Variants in NKAIN3 observed in about 807,000 individuals in gnomAD.
The protein encoded by NKAIN3 is sodium/potassium transporting ATPase interacting 3.
A neutral mutation model predicts 30.2 loss-of-function variants in NKAIN3; 25 were observed. That is an observed-to-expected ratio of 0.83 (90% CI 0.60 to 1.16). The LOEUF (loss-of-function observed/expected upper bound fraction) is 1.16. Among genes scored for constraint, NKAIN3 ranks in the 50% most tolerant of loss-of-function variants. The pLI is 0.00. For missense variants in NKAIN3, 225 were observed against 254.1 expected, an observed-to-expected ratio of 0.89 and a Z score of 0.78; for synonymous variants, 91 against 89.6, an observed-to-expected ratio of 1.02 and a Z score of -0.09.
At chr8:62,522,752 A>C (rs1214603494) in intron 1 of NKAIN3, among the ~76,000 whole-genome samples, 1 of 151,810 alleles carries the variant, frequency 6.6e-6, no homozygotes, top group African/African-American at 2.4e-5. Flanking sequence ...GAAATATAAT[A>C]TTTCATATTA....
At chr8:62,993,851 G>A (rs1804038735) in intron 5 of NKAIN3, among the ~76,000 whole-genome samples, 1 of 152,170 alleles carries the variant, frequency 6.6e-6, no homozygotes, top group Non-Finnish European at 1.5e-5. Flanking sequence ...TTTTCTCATT[G>A]AGATAATTTC....
intron 1 of NKAIN3, among the ~76,000 whole-genome samples, chr8:62,303,592 T>C (rs143498084): frequency 1.3e-5 from 2 of 150,746 alleles, no homozygotes; most frequent in Non-Finnish European, 2.9e-5. Flanking sequence ...AAGAATAGCA[T>C]TGACAGACAA....
At chr8:62,649,903 C>A (rs192594772) in intron 3 of NKAIN3, among the ~76,000 whole-genome samples, 243 of 152,238 alleles carry the variant, frequency 1.6e-3, no homozygotes, top group Non-Finnish European at 7.9e-4. Context: ...ACTGCAAAGT[C>A]CCCGTGATAA....
At chr8:62,889,523 G>A (rs544807965) in intron 4 of NKAIN3, among the ~76,000 whole-genome samples, 1 of 152,156 alleles carries the variant, frequency 6.6e-6, no homozygotes, top group Non-Finnish European at 1.5e-5. Context: ...CAAGGAGGGA[G>A]CCATCACTTC....
chr8:62,870,693 A>ATC (rs1820608457), intron 4 of NKAIN3, among the ~76,000 whole-genome samples: 1 of 89,240 alleles, frequency 1.1e-5, no homozygotes, highest in Non-Finnish European at 2.3e-5. Flanking sequence ...ATATCTCTCT[A>ATC]TCTATATATC....
At chr8:62,323,885 A>G (rs1013272098) in intron 1 of NKAIN3, among the ~76,000 whole-genome samples, 2 of 152,220 alleles carry the variant, frequency 1.3e-5, no homozygotes, top group Non-Finnish European at 1.5e-5. Flanking sequence ...TTCCAAATAT[A>G]TGACATTCTG....
chr8:62,349,757 G>A (rs1290826280), intron 1 of NKAIN3, among the ~76,000 whole-genome samples: 1 of 152,114 alleles, frequency 6.6e-6, no homozygotes, highest in African/African-American at 2.4e-5. Context: ...TCAGGCTTGT[G>A]CCAACCAGAA....
chr8:62,799,329 A>T (rs926411472), intron 4 of NKAIN3, among the ~76,000 whole-genome samples: 6 of 152,210 alleles, frequency 3.9e-5, no homozygotes, highest in Non-Finnish European at 8.8e-5. Flanking sequence ...GTGTACAAAG[A>T]ACTCAAACAA....
chr8:62,694,568 T>C (rs1814093360), intron 3 of NKAIN3, among the ~76,000 whole-genome samples: 3 of 152,122 alleles, frequency 2.0e-5, no homozygotes, highest in Admixed American at 6.6e-5. Flanking sequence ...TCTCCCTCAA[T>C]TCCAGTAGAA....
chr8:62,576,840 T>A (rs576385083), intron 1 of NKAIN3, among the ~76,000 whole-genome samples: 2 of 152,220 alleles, frequency 1.3e-5, no homozygotes, highest in East Asian at 3.9e-4. Flanking sequence ...TTTTCTGACT[T>A]AACAAAGCAA....
rs1807524152 is a variant in NKAIN3, at chr8:62,503,413, A to T, written c.55-76126A>T. ...ACCAAGGCAAAATCAGAAACTCCTG[A>T]TAAGGGTCTATGTTCAGCGGTGCAC... On this transcript the variant is annotated intron_variant, in intron 1 of 6. Transcript: ENST00000623646. 5.3e-5 allele frequency among the ~76,000 whole-genome samples: 8 copies of T among 152,316 alleles called. No homozygotes were observed. In the South Asian group the frequency reaches 1.7e-3, roughly 32 times the overall value.
At chr8:62,918,646 G>A (rs1563627614) in intron 5 of NKAIN3, 133 bp downstream of exon 5, 22 of 666,774 alleles carry the variant, frequency 3.3e-5, no homozygotes, top group Non-Finnish European at 5.8e-5. Context: ...GCACACTAAA[G>A]TTACAGTCAA....
intron 4 of NKAIN3, among the ~76,000 whole-genome samples, chr8:62,898,612 C>G (rs2130833827): frequency 6.6e-6 from 1 of 152,176 alleles, no homozygotes; most frequent in East Asian, 1.9e-4. Context: ...CATATTGTCT[C>G]AAACTATGAA....
At chr8:62,489,524 G>A (rs1251545806) in intron 1 of NKAIN3, among the ~76,000 whole-genome samples, 1 of 152,106 alleles carries the variant, frequency 6.6e-6, no homozygotes, top group African/African-American at 2.4e-5. Context: ...TCTATGCCTT[G>A]TTTTTAATAT....
chr8:62,868,165 ATT>A (rs1255309150), intron 4 of NKAIN3, among the ~76,000 whole-genome samples: 1 of 152,208 alleles, frequency 6.6e-6, no homozygotes, highest in Non-Finnish European at 1.5e-5. Context: ...GGAAGCAGAT[ATT>A]CTCACCAGAA....
At chr8:62,905,925 T>A (rs1438888741) in intron 4 of NKAIN3, among the ~76,000 whole-genome samples, 1 of 152,226 alleles carries the variant, frequency 6.6e-6, no homozygotes, top group Non-Finnish European at 1.5e-5. Flanking sequence ...AACCTCTACA[T>A]GTGTCATTGC....
chr8:62,300,737 A>C (rs948483082), intron 1 of NKAIN3, among the ~76,000 whole-genome samples: 20 of 152,268 alleles, frequency 1.3e-4, no homozygotes, highest in Non-Finnish European at 1.6e-4. Context: ...GGTTTGGAGA[A>C]GTCACAGTCA....
chr8:62,946,230 G>A (rs780878805), intron 5 of NKAIN3, among the ~76,000 whole-genome samples: 30 of 152,096 alleles, frequency 2.0e-4, no homozygotes, highest in African/African-American at 7.2e-4. Context: ...TCAGGAAGGG[G>A]GTAGCACAGC....
intron 3 of NKAIN3, among the ~76,000 whole-genome samples, chr8:62,717,759 A>C (rs1048008498): frequency 1.3e-5 from 2 of 152,184 alleles, no homozygotes; most frequent in Non-Finnish European, 2.9e-5. Flanking sequence ...GTTCCCAAAA[A>C]ATCTTTGTGA....
Sources: allele counts gnomAD v4.1 joint callset (sites outside exome capture counted in the v4.1 genomes callset), GRCh38; gene constraint gnomAD v4.1.1; transcripts MANE v1.5; gene names NCBI Gene and HGNC (gene_info 2026-07-23, HGNC 2026-07-21).